The following TSEN15 variants were observed in gnomAD, a reference collection of about 807,000 sequenced individuals.
TSEN15 encodes the protein tRNA-splicing endonuclease subunit Sen15.
A neutral mutation model predicts 20.5 loss-of-function variants in TSEN15; 10 were observed. The ratio of observed to expected loss-of-function variants is 0.49; its 90% CI spans 0.30 to 0.83. TSEN15 has a LOEUF of 0.83. Among genes scored for constraint, TSEN15 ranks in the 40% least tolerant of loss-of-function variants. TSEN15 has a pLI of 0.06. For synonymous variants in TSEN15, 72 were observed against 80.1 expected (o/e 0.90, Z 0.54); for missense variants, 180 against 218.6 (o/e 0.82, Z 1.11).
intron 3 of TSEN15, among the ~76,000 whole-genome samples, chr1:184,060,641 C>A (rs1650418443): frequency 1.3e-5 from 2 of 152,178 alleles, no homozygotes; most frequent in South Asian, 4.1e-4. Flanking sequence ...TAAATCAGCA[C>A]CAAAATCCCT....
At chr1:184,085,708 G>A (rs115717060) in intron 3 of TSEN15, among the ~76,000 whole-genome samples, 2,003 of 152,282 alleles carry the variant, frequency 0.013, 56 homozygotes, top group African/African-American at 0.046. Flanking sequence ...AGACCATGAT[G>A]GGATCTGAAA....
intron 3 of TSEN15, among the ~76,000 whole-genome samples, chr1:184,084,539 T>G (rs148701023): frequency 5.3e-4 from 80 of 151,746 alleles, no homozygotes; most frequent in African/African-American, 1.7e-3. Context: ...GGTGTGATAG[T>G]TAAAGAGCAT....
At chr1:184,092,718 T>C (rs1651382018) in intron 3 of TSEN15, among the ~76,000 whole-genome samples, 1 of 152,234 alleles carries the variant, frequency 6.6e-6, no homozygotes, top group South Asian at 2.1e-4. Flanking sequence ...GCCCATGACT[T>C]TCCTATCAGT....
intron 3 of TSEN15, chr1:184,058,164 G>T (rs1159287348): frequency 4.7e-6 from 2 of 426,388 alleles, no homozygotes; most frequent in Non-Finnish European, 9.4e-6. Flanking sequence ...TTTCCAGGTG[G>T]TAATTAATGC....
At position 184,051,808 on chromosome 1, in the gene TSEN15, C is replaced by T. The variant is rs1273615941; in HGVS notation, c.53C>T (p.Pro18Leu). The change falls in exon 1 of 5, where the codon CCG becomes CTG. Residue 18 changes from proline (P) to leucine (L), a missense_variant. By Grantham distance (98) the Pro-to-Leu change is moderately conservative. Around this residue, in one of 3 missense-constraint regions of TSEN15, gnomAD observed 76 missense variants for 66.5 expected, o/e 1.14. Transcript: ENST00000645668. Reference protein sequence around the residue: ...EPTPGCSGLGPGGVRGFGDGG... With the variant: ...EPTPGCSGLGLGGVRGFGDGG... ...ACCCCCGGCTGCAGCGGCCTGGGTC[C>T]GGGCGGTGTTCGCGGCTTTGGCGAC... 1.9e-6 allele frequency: 3 copies of T among 1,540,598 alleles called. No homozygotes were observed. The highest frequency in any genetic ancestry group is 2.6e-6 in the Non-Finnish European group (3 of 1,143,818).
chr1:184,057,231 G>A (rs138423166), intron 3 of TSEN15, among the ~76,000 whole-genome samples: 1 of 152,214 alleles, frequency 6.6e-6, no homozygotes, highest in East Asian at 1.9e-4. Flanking sequence ...CAAGATTCTT[G>A]AGAGATGAGG....
intron 3 of TSEN15, among the ~76,000 whole-genome samples, chr1:184,093,385 G>A (rs1651393161): frequency 6.6e-6 from 1 of 152,088 alleles, no homozygotes; most frequent in Non-Finnish European, 1.5e-5. Flanking sequence ...GAACCCAATT[G>A]GATCTAATGC....
intron 3 of TSEN15, among the ~76,000 whole-genome samples, chr1:184,058,932 C>G (rs942260733): frequency 7.9e-5 from 12 of 151,718 alleles, no homozygotes; most frequent in Non-Finnish European, 1.8e-4. Context: ...TCTTATGTGT[C>G]AGGCAATGAT....
intron 3 of TSEN15, among the ~76,000 whole-genome samples, chr1:184,057,499 T>G (rs1351001768): frequency 6.6e-6 from 1 of 152,176 alleles, no homozygotes; most frequent in East Asian, 1.9e-4. Context: ...TATAAAGTCT[T>G]AAGACCTGGG....
intron 3 of TSEN15, among the ~76,000 whole-genome samples, chr1:184,079,381 A>G (rs2102900287): frequency 6.6e-6 from 1 of 152,274 alleles, no homozygotes; most frequent in African/African-American, 2.4e-5. Flanking sequence ...TAGGACAACC[A>G]TTACAAAATA....
chr1:184,084,623 A>G (rs1192722777), intron 3 of TSEN15, among the ~76,000 whole-genome samples: 3 of 151,944 alleles, frequency 2.0e-5, no homozygotes, highest in Non-Finnish European at 2.9e-5. Flanking sequence ...TTATTAGCTC[A>G]CATTTCTTGA....
chr1:184,092,765 C>T (rs1345090698), intron 3 of TSEN15, among the ~76,000 whole-genome samples: 1 of 152,200 alleles, frequency 6.6e-6, no homozygotes, highest in African/African-American at 2.4e-5. Flanking sequence ...CAGACTGAGA[C>T]TTGTATGGGT....
chr1:184,069,196 T>C (rs1384332298), intron 3 of TSEN15, among the ~76,000 whole-genome samples: 3 of 152,306 alleles, frequency 2.0e-5, no homozygotes, highest in African/African-American at 7.2e-5. Flanking sequence ...TGAACAGTTA[T>C]GAGAAATAAA....
At position 184,051,779 on chromosome 1, in the gene TSEN15, G is replaced by C. The variant is rs1036455249; in HGVS notation, c.24G>C (p.Glu8Asp). 4 of 1,513,722 alleles carry C rather than the reference G, an allele frequency of 2.6e-6. No homozygotes were observed. The African/African-American group carries it at 5.7e-5, about 21-fold the overall frequency. The allele number at this position is 1,513,722 out of a possible 1,614,324, so 93.8% of individuals were successfully genotyped here. MEERGDS[E>D]PTPGCSGLGP... ...GCATGGAGGAGCGCGGCGATTCCGAGCCGACCCCCGGCTGCAGCGGCCTGG... is the reference window on the plus strand; with the variant it reads ...GCATGGAGGAGCGCGGCGATTCCGACCCGACCCCCGGCTGCAGCGGCCTGG... The change falls in exon 1 of 5, where the codon GAG becomes GAC. Residue 8 changes from glutamate (E) to aspartate (D), a missense_variant. Around this residue, in one of 3 missense-constraint regions of TSEN15, gnomAD observed 76 missense variants for 66.5 expected, o/e 1.14. Coordinates refer to ENST00000645668, the MANE Select transcript of TSEN15 (RefSeq NM_052965.4).
intron 3 of TSEN15, among the ~76,000 whole-genome samples, chr1:184,068,156 T>A (rs951306679): frequency 2.0e-5 from 3 of 151,624 alleles, no homozygotes; most frequent in Non-Finnish European, 4.4e-5. Context: ...AAAGGACTTA[T>A]ATTAATTCTG....
intron 4 of TSEN15, chr1:184,072,519 T>C (rs1440421613): frequency 1.8e-6 from 1 of 559,126 alleles, no homozygotes; most frequent in South Asian, 2.8e-5. Context: ...ATTTCCTTAC[T>C]CTTTGGAGAA....
intron 3 of TSEN15, among the ~76,000 whole-genome samples, chr1:184,062,631 T>G (rs1046449064): frequency 6.6e-6 from 1 of 152,102 alleles, no homozygotes; most frequent in Non-Finnish European, 1.5e-5. Context: ...TCTGTAATAG[T>G]AGTAGTACTA....
chr1:184,060,353 G>T (rs896985321), intron 3 of TSEN15, among the ~76,000 whole-genome samples: 1 of 152,186 alleles, frequency 6.6e-6, no homozygotes, highest in Non-Finnish European at 1.5e-5. Context: ...AACAATGAAG[G>T]CCAGATTTTA....
Position 184,067,990 on chromosome 1 carries a change from G to A in TSEN15, c.354-4167G>A, listed in dbSNP as rs185770842. On this transcript the variant is annotated intron_variant, in intron 3 of 4. Transcript: ENST00000645668. ...TATATATGTACATATGTATGTATCT[G>A]CAAAATCCATCCACTTGCAGGATTT... 2.2e-3 allele frequency among the ~76,000 whole-genome samples: 304 copies of A among 136,284 alleles called. 2 individuals carry two copies. The highest frequency in any genetic ancestry group is 5.8e-3 in the African/African-American group (210 of 36,496). 89.4% of individuals were successfully genotyped at this position (136,284 alleles called of 152,430 possible).
Sources: gnomAD v4.1 joint callset for allele counts (sites outside exome capture counted in the v4.1 genomes callset) on GRCh38, gnomAD v4.1.1 for gene constraint, gnomAD v4.1.1 regional missense constraint, MANE v1.5 for transcripts, NCBI Gene and HGNC (gene_info 2026-07-23, HGNC 2026-07-21) for gene names.